The following NIPA1 variants were observed in gnomAD, a reference collection of about 807,000 sequenced individuals.
The protein encoded by NIPA1 is NIPA magnesium transporter 1.
Under a neutral mutation model 23.9 loss-of-function variants are expected in NIPA1, and 13 were observed. That is an observed-to-expected ratio of 0.54 (90% confidence interval 0.35 to 0.87). The LOEUF (loss-of-function observed/expected upper bound fraction) is 0.87, where lower values mean the gene tolerates loss of function less well. Ranked by LOEUF, NIPA1 falls within the 40% of genes least tolerant of loss-of-function variation. NIPA1 has a pLI of 0.01. For missense variants in NIPA1, 362 were observed against 429.7 expected (o/e 0.84, Z 1.39); for synonymous variants, 234 against 202.9 (o/e 1.15, Z -1.30).
At chr15:22,800,465 G>C (rs1895052528) in intron 1 of NIPA1, among the ~76,000 whole-genome samples, 1 of 152,042 alleles carries the variant, frequency 6.6e-6, no homozygotes. Context: ...CCTACACGTT[G>C]GGTGGTACAG....
At position 22,814,297 on chromosome 15, in the gene NIPA1, G is replaced by A. The variant is rs542197450; in HGVS notation, c.317+2044G>A. On this transcript the variant is annotated intron_variant, in intron 3 of 4. Coordinates refer to ENST00000337435, the MANE Select transcript of NIPA1 (RefSeq NM_144599.5). ...TTTTGAGACGGAGTCTCGCTCTGTCGCCCAGGCTGGAGTGCAGTGGCACGA... is the reference window on the plus strand; with the variant it reads ...TTTTGAGACGGAGTCTCGCTCTGTCACCCAGGCTGGAGTGCAGTGGCACGA... 9.6e-4 allele frequency: 251 copies of A among 262,626 alleles called. 1 individual carries two copies. The highest frequency in any genetic ancestry group is 4.6e-3 in the African/African-American group (206 of 45,032). 16.3% of individuals were successfully genotyped at this position (262,626 alleles called of 1,614,324 possible).
At position 22,826,682 on chromosome 15, in the gene NIPA1, T is replaced by C. The variant is rs950566150; in HGVS notation, c.*2443T>C. Reference sequence around the variant, plus strand: ...ATACCCGATGATCTTCTCTATAATATTCTTAGAGTAAAACAAAATCTCAAA... The same window carrying C: ...ATACCCGATGATCTTCTCTATAATACTCTTAGAGTAAAACAAAATCTCAAA... On this transcript the variant is annotated 3_prime_UTR_variant, in exon 5 of 5. Transcript: ENST00000337435. 27 of 152,172 alleles carry C rather than the reference T, an allele frequency of 1.8e-4. No individual in the cohort carries two copies. Among genetic ancestry groups the C allele is most frequent in the Non-Finnish European group, 1.0e-4 (7 of 68,030 alleles). 9.4% of individuals were successfully genotyped at this position (152,172 alleles called of 1,614,324 possible).
At position 22,818,238 on chromosome 15, in the gene NIPA1, A is replaced by ACCAGCCTGG. The variant is rs1239307110; in HGVS notation, c.318-2071_318-2063dup. On this transcript the variant is annotated intron_variant, in intron 3 of 4. Coordinates refer to ENST00000337435, the MANE Select transcript of NIPA1 (RefSeq NM_144599.5). Reference sequence around the variant, plus strand: ...TGGATCATGAGATCAGGAGTTCGAGACCAGCCTGGCCAACATGGTAAAACT... The same window carrying ACCAGCCTGG: ...TGGATCATGAGATCAGGAGTTCGAGACCAGCCTGGCCAGCCTGGCCAACATGGTAAAACT... 9.9e-5 allele frequency among the ~76,000 whole-genome samples: 15 copies of ACCAGCCTGG among 151,858 alleles called. 1 individual carries two copies. The highest frequency in any genetic ancestry group is 2.7e-4 in the African/African-American group (11 of 41,316).
In NIPA1 at chr15:22,823,866, C is replaced by T; in HGVS notation, c.617C>T (p.Thr206Ile). The T allele has an allele frequency of 1.2e-6, 2 of 1,614,168 alleles. No individual in the cohort carries two copies. The highest frequency in any genetic ancestry group is 2.2e-5 in the South Asian group (2 of 91,090). The change falls in exon 5 of 5, where the codon ACC becomes ATC. Residue 206 changes from threonine to isoleucine, a missense_variant. This residue lies in a region of NIPA1 where 277 missense variants were observed against 372.0 expected (regional missense o/e 0.74). Coordinates refer to ENST00000337435, the MANE Select transcript of NIPA1 (RefSeq NM_144599.5). ...SLLGSFTVPS[T>I]KGIGLAAQDI... ...CTGGGCAGTTTCACCGTGCCTTCCA[C>T]CAAGGGCATCGGGCTGGCGGCCCAA...
chr15:22,808,766 C>G (rs1895263664), intron 1 of NIPA1, among the ~76,000 whole-genome samples: 1 of 150,132 alleles, frequency 6.7e-6, no homozygotes, highest in Non-Finnish European at 1.5e-5. Flanking sequence ...TCCTCCTGGG[C>G]TCAAGCGATT....
At position 22,827,995 on chromosome 15, in the gene NIPA1, C is replaced by T. The variant is rs1323483312; in HGVS notation, c.*3756C>T. ...GTGCCGCTTCGACCTGACACCTGCTCGATGCTGACTTAGGCTTCCTGCCAC... is the reference window on the plus strand; with the variant it reads ...GTGCCGCTTCGACCTGACACCTGCTTGATGCTGACTTAGGCTTCCTGCCAC... On this transcript the variant is annotated 3_prime_UTR_variant, in exon 5 of 5. Transcript: ENST00000337435. The T allele has an allele frequency of 1.3e-5, 2 of 152,194 alleles. No homozygotes were observed. Among genetic ancestry groups the T allele is most frequent in the Admixed American group, 6.5e-5 (1 of 15,278 alleles). The allele number at this position is 152,194 out of a possible 1,614,324, so 9.4% of individuals were successfully genotyped here.
intron 3 of NIPA1, 123 bp downstream of exon 3, chr15:22,812,376 G>A: frequency 1.4e-6 from 1 of 739,534 alleles, no homozygotes; most frequent in Non-Finnish European, 2.4e-6. Flanking sequence ...TTCAGGCCGG[G>A]CATGGTGGCT....
chr15:22,787,429 G>T (rs1894732210), intron 1 of NIPA1, among the ~76,000 whole-genome samples: 1 of 152,242 alleles, frequency 6.6e-6, no homozygotes, highest in Non-Finnish European at 1.5e-5. Context: ...TACGGAGCCC[G>T]CTGCGCCTTA....
chr15:22,793,692 T>C (rs1894883192), intron 1 of NIPA1, among the ~76,000 whole-genome samples: 1 of 152,178 alleles, frequency 6.6e-6, no homozygotes, highest in African/African-American at 2.4e-5. Context: ...CTGCCTGTTT[T>C]CAGCCTTCCA....
chr15:22,814,266 T>C (rs1895372598), intron 3 of NIPA1: 1 of 314,382 alleles, frequency 3.2e-6, no homozygotes. Flanking sequence ...TTTTTTTTGT[T>C]TTTTTTTTTG....
At chr15:22,817,017 C>G (rs1895432103) in intron 3 of NIPA1, among the ~76,000 whole-genome samples, 1 of 150,012 alleles carries the variant, frequency 6.7e-6, no homozygotes, top group African/African-American at 2.5e-5. Context: ...AACCCCATCT[C>G]TACAAAAATA....
intron 1 of NIPA1, among the ~76,000 whole-genome samples, chr15:22,799,619 A>AG (rs1219319254): frequency 6.6e-6 from 1 of 151,948 alleles, no homozygotes; most frequent in East Asian, 1.9e-4. Flanking sequence ...CATCTCTACT[A>AG]AAAATACAAA....
At chr15:22,811,069 A>G in intron 2 of NIPA1, 1 of 507,526 alleles carries the variant, frequency 2.0e-6, no homozygotes, top group East Asian at 3.7e-5. Flanking sequence ...CCGTGAATTC[A>G]GTCCAGGCTG....
intron 1 of NIPA1, among the ~76,000 whole-genome samples, chr15:22,787,191 C>T (rs1894726889): frequency 6.6e-6 from 1 of 152,106 alleles, no homozygotes; most frequent in Non-Finnish European, 1.5e-5. Context: ...CGCCCGGCAG[C>T]CCTCGCCGTG....
intron 1 of NIPA1, among the ~76,000 whole-genome samples, chr15:22,791,929 G>A (rs1172641111): frequency 6.6e-6 from 1 of 152,132 alleles, no homozygotes. Flanking sequence ...CTACAGCATA[G>A]GCTCGGATGG....
At chr15:22,821,033 A>G (rs1427527580) in intron 4 of NIPA1, among the ~76,000 whole-genome samples, 1 of 146,586 alleles carries the variant, frequency 6.8e-6, no homozygotes, top group Non-Finnish European at 1.5e-5. Context: ...GCTGGAGTGC[A>G]GTGGCGCGAT....
chr15:22,788,018 A>G (rs1829051008), intron 1 of NIPA1, among the ~76,000 whole-genome samples: 1 of 152,174 alleles, frequency 6.6e-6, no homozygotes. Flanking sequence ...GTCTGTCTCT[A>G]AGGCACACAG....
chr15:22,821,431 CACTCGCTGGTTTGCATGTCCAT>C lies in NIPA1; in HGVS notation c.478+980_478+1001del, dbSNP rs1196050290. Among the ~76,000 whole-genome samples, 209 of 152,270 alleles carry C rather than the reference CACTCGCTGGTTTGCATGTCCAT, an allele frequency of 1.4e-3. 1 individual carries two copies. The highest frequency in any genetic ancestry group is 2.2e-3 in the Non-Finnish European group (150 of 68,016). On this transcript the variant is annotated intron_variant, in intron 4 of 4. Transcript: ENST00000337435. Reference sequence around the variant, plus strand: ...ATCAGTTTGCTGGTTTACATGTCCACACTCGCTGGTTTGCATGTCCATACTCGCTGGTTTGCATGTCCACACT... The same window carrying C: ...ATCAGTTTGCTGGTTTACATGTCCACACTCGCTGGTTTGCATGTCCACACT...
intron 3 of NIPA1, among the ~76,000 whole-genome samples, chr15:22,816,868 G>A (rs1895429801): frequency 6.6e-6 from 1 of 151,710 alleles, no homozygotes; most frequent in African/African-American, 2.4e-5. Context: ...CAAGGTCGAT[G>A]GACACAAGAT....
Sources: gnomAD v4.1 joint callset for allele counts (sites outside exome capture counted in the v4.1 genomes callset) on GRCh38, gnomAD v4.1.1 for gene constraint, gnomAD v4.1.1 regional missense constraint, MANE v1.5 for transcripts, NCBI Gene and HGNC (gene_info 2026-07-23, HGNC 2026-07-21) for gene names.